The following CGGBP1 variants were observed in gnomAD, a reference collection of about 807,000 sequenced individuals.
The protein encoded by CGGBP1 is CGG triplet repeat binding protein 1.
In CGGBP1, 4 loss-of-function variants were observed where a neutral mutation model predicts 11.4. That is an observed-to-expected ratio of 0.35 (90% CI 0.17 to 0.80). CGGBP1 has a LOEUF of 0.80. CGGBP1 is among the 30% of genes least tolerant of loss of function. The pLI is 0.52. For missense variants in CGGBP1, 135 were observed against 202.1 expected (o/e 0.67, Z 2.01); for synonymous variants, 76 against 74.1 (o/e 1.03, Z -0.13).
At chr3:88,060,374 T>C (rs1350312994), upstream of CGGBP1, among the ~76,000 whole-genome samples, 2 of 152,180 alleles carry the variant, frequency 1.3e-5, no homozygotes, top group Non-Finnish European at 2.9e-5. Flanking sequence ...ATACCCCTAC[T>C]TTTTTAGGGG....
intron 2 of CGGBP1, among the ~76,000 whole-genome samples, chr3:88,114,060 T>A (rs1290074349): frequency 2.6e-5 from 4 of 152,136 alleles, no homozygotes; most frequent in African/African-American, 9.7e-5. Flanking sequence ...GTTTATTGAG[T>A]CCCCACAGTG....
intron 2 of CGGBP1, among the ~76,000 whole-genome samples, chr3:88,111,834 A>G (rs951174682): frequency 1.3e-5 from 2 of 152,008 alleles, no homozygotes; most frequent in African/African-American, 4.8e-5. Flanking sequence ...CATAGAATAC[A>G]TCATCTCTTT....
intron 2 of CGGBP1, among the ~76,000 whole-genome samples, chr3:88,077,693 T>TA (rs11379559): frequency 0.79 from 119,109 of 151,470 alleles, 47,575 homozygotes; most frequent in South Asian, 0.91. Context: ...CTGTAATACT[T>TA]ACTATTTTTA....
chr3:88,146,109 T>G (rs1707308167), intron 1 of CGGBP1, among the ~76,000 whole-genome samples: 1 of 152,212 alleles, frequency 6.6e-6, no homozygotes, highest in African/African-American at 2.4e-5. Flanking sequence ...TAGCAGTGAT[T>G]CTTAAAGCGT....
chr3:88,118,918 C>T (rs1470066703), intron 2 of CGGBP1, among the ~76,000 whole-genome samples: 1 of 150,258 alleles, frequency 6.7e-6, no homozygotes, highest in African/African-American at 2.5e-5. Flanking sequence ...GAAATAGGAA[C>T]ACTTTTACAC....
chr3:88,093,840 A>C (rs1703890443), intron 2 of CGGBP1, among the ~76,000 whole-genome samples: 1 of 152,212 alleles, frequency 6.6e-6, no homozygotes, highest in Non-Finnish European at 1.5e-5. Context: ...GCTAATTATA[A>C]AGGTACATTT....
chr3:88,099,231 A>G lies in CGGBP1; in HGVS notation c.-228-41008T>C, dbSNP rs190272726. Among the ~76,000 whole-genome samples, 1,261 of 152,316 alleles carry G rather than the reference A, an allele frequency of 8.3e-3. 10 individuals carry two copies. Among genetic ancestry groups the G allele is most frequent in the African/African-American group, 0.029 (1,219 of 41,564 alleles). On this transcript the variant is annotated intron_variant, in intron 2 of 3. Transcript: ENST00000462901. ...AATCATGAGTGAACTCCCATTCACA[A>G]TTGCTACAAAGAGAATAAAATACCT... is the stretch of plus-strand genomic sequence containing the variant.
At chr3:88,138,639 A>G in intron 2 of CGGBP1, 1 of 966,470 alleles carries the variant, frequency 1.0e-6, no homozygotes, top group Non-Finnish European at 1.3e-6. Flanking sequence ...TGTTTTTTAA[A>G]GATAGACTAG....
chr3:88,146,998 T>G (rs1707324921), intron 1 of CGGBP1, among the ~76,000 whole-genome samples: 1 of 152,202 alleles, frequency 6.6e-6, no homozygotes, highest in African/African-American at 2.4e-5. Context: ...CCCTTCAATC[T>G]TCACACCAGC....
chr3:88,116,162 G>A (rs1469881357), intron 2 of CGGBP1, among the ~76,000 whole-genome samples: 1 of 152,080 alleles, frequency 6.6e-6, no homozygotes, highest in Non-Finnish European at 1.5e-5. Flanking sequence ...TCTCAGAAGT[G>A]CATCAGGCAT....
chr3:88,131,860 A>G (rs151283803), intron 2 of CGGBP1, among the ~76,000 whole-genome samples: 2,393 of 151,910 alleles, frequency 0.016, 57 homozygotes, highest in Non-Finnish European at 0.019. Flanking sequence ...TCAGCCTCCA[A>G]AGTCTGTGCT....
intron 2 of CGGBP1, among the ~76,000 whole-genome samples, chr3:88,118,809 G>T (rs1342081860): frequency 2.6e-5 from 4 of 152,178 alleles, no homozygotes; most frequent in Admixed American, 2.6e-4. Context: ...CACTTTGACT[G>T]TGTGACAAAT....
At chr3:88,117,345 A>C (rs1482823628) in intron 2 of CGGBP1, among the ~76,000 whole-genome samples, 1 of 152,222 alleles carries the variant, frequency 6.6e-6, no homozygotes, top group East Asian at 1.9e-4. Flanking sequence ...AAAAAATCAA[A>C]TCAGGCTGGC....
chr3:88,121,346 A>T (rs1705758974), intron 2 of CGGBP1, among the ~76,000 whole-genome samples: 1 of 152,172 alleles, frequency 6.6e-6, no homozygotes, highest in South Asian at 2.1e-4. Flanking sequence ...TTAATGGCAT[A>T]ATAGAAGCAT....
chr3:88,071,729 G>C (rs529786166), intron 2 of CGGBP1, among the ~76,000 whole-genome samples: 1 of 152,052 alleles, frequency 6.6e-6, no homozygotes, highest in Non-Finnish European at 1.5e-5. Flanking sequence ...ACTTGAACCC[G>C]GGAGGCAGAG....
chr3:88,126,824 G>T (rs1404617471), intron 2 of CGGBP1, among the ~76,000 whole-genome samples: 3 of 151,998 alleles, frequency 2.0e-5, no homozygotes, highest in African/African-American at 7.2e-5. Flanking sequence ...CTAACTGAAT[G>T]AATAAATTTG....
intron 3 of CGGBP1, 68 bp from the exon 4 acceptor site, chr3:88,056,067 A>C: frequency 8.2e-7 from 1 of 1,213,372 alleles, no homozygotes. Flanking sequence ...ATGAACAATA[A>C]AAGGCAGTAT....
chr3:88,094,825 A>T (rs1339710258), intron 2 of CGGBP1, among the ~76,000 whole-genome samples: 2 of 151,892 alleles, frequency 1.3e-5, no homozygotes, highest in African/African-American at 4.8e-5. Context: ...AATATTTTTG[A>T]TTTATAGAAC....
At chr3:88,128,337 A>G (rs7630240) in intron 2 of CGGBP1, among the ~76,000 whole-genome samples, 119,051 of 151,932 alleles carry the variant, frequency 0.78, 47,558 homozygotes, top group South Asian at 0.91. Context: ...TTGTGATTCA[A>G]CTTTTTCATT....
Sources: allele counts gnomAD v4.1 joint callset (sites outside exome capture counted in the v4.1 genomes callset), GRCh38; gene constraint gnomAD v4.1.1; transcripts MANE v1.5; gene names NCBI Gene and HGNC (gene_info 2026-07-23, HGNC 2026-07-21).